CLEC16A: variants seen among roughly 807,000 people sequenced by gnomAD.
CLEC16A encodes C-type lectin domain containing 16A.
A neutral mutation model predicts 109.5 loss-of-function variants in CLEC16A; 51 were observed. The observed-to-expected ratio is 0.47, with a 90% CI of 0.37 to 0.59. CLEC16A has a LOEUF of 0.59. CLEC16A is among the 20% of genes least tolerant of loss of function. The probability of loss-of-function intolerance (pLI) is 0.00; values close to 1 mark genes in which losing one functional copy is unlikely to be tolerated. For missense variants in CLEC16A, 1,339 were observed against 1,394.0 expected (o/e 0.96, Z 0.63); for synonymous variants, 673 against 564.2 (o/e 1.19, Z -2.73).
chr16:11,169,814 G>C (rs765694736), intron 23 of CLEC16A, among the ~76,000 whole-genome samples: 1 of 152,198 alleles, frequency 6.6e-6, no homozygotes, highest in Non-Finnish European at 1.5e-5. Flanking sequence ...CTGTAGCCAC[G>C]GCAGGGCCTT....
At position 11,174,600 on chromosome 16, in the gene CLEC16A, G is replaced by A. The variant is rs989560918; in HGVS notation, c.2807-3735G>A. 6.6e-6 allele frequency among the ~76,000 whole-genome samples: 1 copy of A among 152,222 alleles called. No homozygotes were observed. Among genetic ancestry groups the A allele is most frequent in the African/African-American group, 2.4e-5 (1 of 41,458 alleles). On this transcript the variant is annotated intron_variant, in intron 23 of 23. Coordinates refer to ENST00000409790, the MANE Select transcript of CLEC16A (RefSeq NM_015226.3). This position sits in a 1 kb window ranked among gnomAD's most constrained non-coding sequence, Gnocchi z 4.7. Reference sequence around the variant, plus strand: ...TGTGCACCAGTGTCAGGCTCGGCCCGGGCCAGAAGCAGATGCTCCTGCCAA... The same window carrying A: ...TGTGCACCAGTGTCAGGCTCGGCCCAGGCCAGAAGCAGATGCTCCTGCCAA...
At chr16:10,985,218 A>ATATATATATATAT (rs58768192) in intron 10 of CLEC16A, among the ~76,000 whole-genome samples, 1 of 124,234 alleles carries the variant, frequency 8.0e-6, no homozygotes, top group South Asian at 2.8e-4. Flanking sequence ...AAAAAAAAAA[A>ATATATATATATAT]AAATATATAT....
chr16:11,150,640 C>G lies in CLEC16A; in HGVS notation c.2642-15748C>G, dbSNP rs148784708. Among the ~76,000 whole-genome samples, 42 of 152,324 alleles carry G rather than the reference C, an allele frequency of 2.8e-4. No individual in the cohort carries two copies. The East Asian group carries it at 6.4e-3, about 23-fold the overall frequency. On this transcript the variant is annotated intron_variant, in intron 22 of 23. Transcript: ENST00000409790. ...TAAAATGCCTCTTCTAAACTTCATT[C>G]TTGATGACTGCATAATAGTCCATTG...
chr16:11,128,927 A>G (rs778718093), intron 22 of CLEC16A, among the ~76,000 whole-genome samples: 1 of 152,138 alleles, frequency 6.6e-6, no homozygotes, highest in Non-Finnish European at 1.5e-5. Flanking sequence ...TAGTACTTAA[A>G]TCAGATTACG....
At chr16:11,013,614 C>T (rs776157848) in intron 11 of CLEC16A, among the ~76,000 whole-genome samples, 4 of 152,114 alleles carry the variant, frequency 2.6e-5, no homozygotes, top group Non-Finnish European at 5.9e-5. Context: ...AAAAATTAGC[C>T]AGGCATGGTG....
intron 1 of CLEC16A, among the ~76,000 whole-genome samples, chr16:10,952,775 T>C (rs1323124248): frequency 2.0e-5 from 3 of 152,186 alleles, no homozygotes; most frequent in Non-Finnish European, 2.9e-5. Flanking sequence ...TGAGTATTTC[T>C]GTATACCAGC....
chr16:10,948,464 C>G (rs1261495307), intron 1 of CLEC16A, among the ~76,000 whole-genome samples: 1 of 152,122 alleles, frequency 6.6e-6, no homozygotes, highest in African/African-American at 2.4e-5. Context: ...GGTTTATTGT[C>G]CAGATTAGTG....
In CLEC16A at chr16:11,113,577, C is replaced by T. The variant is rs191349346; in HGVS notation, c.2117-7038C>T. Among the ~76,000 whole-genome samples the T allele has an allele frequency of 3.3e-3, 501 of 152,124 alleles. 3 individuals are homozygous for T. The highest frequency in any genetic ancestry group is 0.014 in the Middle Eastern group (4 of 294). On this transcript the variant is annotated intron_variant, in intron 19 of 23. Transcript: ENST00000409790. ...GGGAGCCTGAGGTGAGAGGATCACT[C>T]GAGCCTGTGAGGCCGAGGCTGCAGT...
intron 19 of CLEC16A, among the ~76,000 whole-genome samples, chr16:11,109,497 A>T (rs2051438019): frequency 6.6e-6 from 1 of 152,140 alleles, no homozygotes; most frequent in African/African-American, 2.4e-5. Flanking sequence ...CAAAGCCTGG[A>T]ATGGTGCTGC....
chr16:11,062,931 A>T (rs987687787), intron 19 of CLEC16A, among the ~76,000 whole-genome samples: 1 of 152,132 alleles, frequency 6.6e-6, no homozygotes, highest in African/African-American at 2.4e-5. Context: ...GCACTTCATC[A>T]GGGCAGCAAG....
At chr16:11,076,244 C>T (rs2049366585) in intron 19 of CLEC16A, among the ~76,000 whole-genome samples, 1 of 152,302 alleles carries the variant, frequency 6.6e-6, no homozygotes, top group South Asian at 2.1e-4. Context: ...CCTCACTGTG[C>T]TAGCCCAGTC....
chr16:11,166,462 G>A lies in CLEC16A; in HGVS notation c.2716G>A (p.Gly906Arg), dbSNP rs2068266830. The change falls in exon 23 of 24, where the codon GGG (glycine) becomes AGG (arginine). Residue 906 changes from glycine (G) to arginine (R), a missense_variant. Gly to Arg is a moderately radical substitution (Grantham distance 125, BLOSUM62 -2). Transcript: ENST00000409790. ...CTCACAGTCGCCACCCTCCGCCAGC[G>A]GGAGCCCCAGCGGCAGCGGGAGCAC... ...LSSQSPPSAS[G>R]SPSGSGSTSH... is the part of the protein sequence containing the mutation. 4.4e-6 allele frequency: 7 copies of A among 1,608,128 alleles called. No homozygotes were observed. The highest frequency in any genetic ancestry group is 2.2e-5 in the East Asian group (1 of 44,866).
intron 19 of CLEC16A, among the ~76,000 whole-genome samples, chr16:11,077,344 C>T (rs755583071): frequency 6.6e-6 from 1 of 151,604 alleles, no homozygotes; most frequent in Non-Finnish European, 1.5e-5. Flanking sequence ...TGGTGGCATG[C>T]GCCTGTAATC....
chr16:11,040,246 G>A (rs932536915), intron 14 of CLEC16A: 4 of 203,586 alleles, frequency 2.0e-5, no homozygotes, highest in Admixed American at 1.6e-4. Context: ...GAGAACATTC[G>A]AAGGTTTAAC....
At chr16:11,019,730 C>A (rs1306459896) in intron 11 of CLEC16A, among the ~76,000 whole-genome samples, 2 of 149,642 alleles carry the variant, frequency 1.3e-5, no homozygotes, top group African/African-American at 5.0e-5. Context: ...GATTGCGCCA[C>A]TGCCCTCCAG....
chr16:11,093,489 G>T (rs1388212712), intron 19 of CLEC16A, among the ~76,000 whole-genome samples: 3 of 152,204 alleles, frequency 2.0e-5, no homozygotes, highest in Non-Finnish European at 2.9e-5. Flanking sequence ...GGACACTTCA[G>T]TGATTCTGCC....
chr16:11,149,941 G>A (rs1410986012), intron 22 of CLEC16A: 2 of 152,150 alleles, frequency 1.3e-5, no homozygotes, highest in Admixed American at 6.5e-5. Flanking sequence ...GAACAGAACA[G>A]AGCCACCACC....
rs1267010297 is a variant in CLEC16A at position 11,181,874 on chromosome 16, C to G, written c.*3184C>G. 6.5e-6 allele frequency: 1 copy of G among 152,692 alleles called. No homozygotes were observed. Among genetic ancestry groups the G allele is most frequent in the Non-Finnish European group, 1.5e-5 (1 of 68,050 alleles). The allele number at this position is 152,692 out of a possible 1,614,324, so 9.5% of individuals were successfully genotyped here. ...GTTTTTTAAAAAGGCGTGGGGTGAA[C>G]TGATTTTGATCTTCTTGTCTAGATG... On this transcript the variant is annotated 3_prime_UTR_variant, in exon 24 of 24. Coordinates refer to ENST00000409790, the MANE Select transcript of CLEC16A (RefSeq NM_015226.3).
At chr16:11,133,445 C>T (rs2053362638) in intron 22 of CLEC16A, among the ~76,000 whole-genome samples, 1 of 151,994 alleles carries the variant, frequency 6.6e-6, no homozygotes, top group Non-Finnish European at 1.5e-5. Flanking sequence ...CAGGGTCAGT[C>T]ACGTGACCCA....
Sources: gnomAD v4.1 joint callset for allele counts (sites outside exome capture counted in the v4.1 genomes callset) on GRCh38, gnomAD v4.1.1 for gene constraint, Gnocchi (gnomAD v3.1) non-coding constraint, MANE v1.5 for transcripts, NCBI Gene and HGNC (gene_info 2026-07-23, HGNC 2026-07-21) for gene names.